The following GLI2 variants were observed in gnomAD, a reference collection of about 807,000 sequenced individuals.
The protein encoded by GLI2 is GLI family zinc finger 2, also known as transcription activator GLI2.
A neutral mutation model predicts 78.9 loss-of-function variants in GLI2; 22 were observed. That is an observed-to-expected ratio of 0.28 (90% CI 0.20 to 0.40). The LOEUF (loss-of-function observed/expected upper bound fraction) is 0.40, where lower values mean the gene tolerates loss of function less well. GLI2 is among the 10% of genes least tolerant of loss of function. The pLI is 1.00. For missense variants in GLI2, 2,097 were observed against 2,213.2 expected, an observed-to-expected ratio of 0.95 and a Z score of 1.05; for synonymous variants, 974 against 963.7, an observed-to-expected ratio of 1.01 and a Z score of -0.20.
intron 11 of GLI2, among the ~76,000 whole-genome samples, chr2:120,983,911 G>T (rs1213429271): frequency 6.6e-6 from 1 of 151,240 alleles, no homozygotes; most frequent in Non-Finnish European, 1.5e-5. Flanking sequence ...ATGTGTGTTT[G>T]TAAGTGTATG....
At chr2:120,812,025 G>A (rs1026778374) in intron 2 of GLI2, among the ~76,000 whole-genome samples, 1 of 152,176 alleles carries the variant, frequency 6.6e-6, no homozygotes, top group Admixed American at 6.5e-5. Flanking sequence ...ATGACTGTGC[G>A]GAACAGGATG....
rs79402480 is a variant in GLI2 at position 120,922,579 on chromosome 2, A to G, written c.149-4782A>G. On this transcript the variant is annotated intron_variant, in intron 2 of 13. Coordinates refer to ENST00000361492, the MANE Select transcript of GLI2 (RefSeq NM_001374353.1). ...TGTTCTTTCCTGAAAAATGGGAATA[A>G]GAACAAGGTTAATGGTAAAACTAAA... Among the ~76,000 whole-genome samples the G allele has an allele frequency of 4.2e-3, 637 of 152,306 alleles. 3 individuals are homozygous for G. Among genetic ancestry groups the G allele is most frequent in the Middle Eastern group, 0.01 (3 of 294 alleles).
At chr2:120,945,957 T>TCTCACACACACACACACA (rs1553470434) in intron 3 of GLI2, among the ~76,000 whole-genome samples, 19 of 134,258 alleles carry the variant, frequency 1.4e-4, no homozygotes, top group Non-Finnish European at 2.7e-4. Flanking sequence ...CATAACCTTC[T>TCTCACACACACACACACA]CACACACACA....
intron 6 of GLI2, among the ~76,000 whole-genome samples, chr2:120,969,395 C>T (rs901164310): frequency 3.9e-5 from 6 of 152,220 alleles, no homozygotes; most frequent in Middle Eastern, 3.2e-3. Flanking sequence ...TGTCTGAGGA[C>T]TCAGACCCCA....
chr2:120,971,818 C>A, intron 7 of GLI2, 123 bp from the exon 8 acceptor site: 1 of 872,520 alleles, frequency 1.1e-6, no homozygotes. Flanking sequence ...ATTTCTGATA[C>A]TTTAAACACA....
Position 120,813,713 on chromosome 2 carries a change from A to G in GLI2, c.148+16245A>G, listed in dbSNP as rs78026006. ...CTCCTCCATCTCTTGCCATTCTTGC[A>G]TGCAGTCTTGTCCCCAAGACAAGTA... is the stretch of plus-strand genomic sequence containing the variant. On this transcript the variant is annotated intron_variant, in intron 2 of 13. Transcript: ENST00000361492. Among the ~76,000 whole-genome samples the G allele has an allele frequency of 8.0e-3, 1,217 of 152,222 alleles. 40 individuals are homozygous for G. The highest frequency in any genetic ancestry group is 0.023 in the East Asian group (117 of 5,174).
intron 1 of GLI2, among the ~76,000 whole-genome samples, chr2:120,796,392 A>G (rs1262780994): frequency 6.6e-6 from 1 of 152,154 alleles, no homozygotes; most frequent in Admixed American, 6.5e-5. Context: ...GCACACAGCA[A>G]TGGAGTGACC....
At chr2:120,778,326 G>A (rs1228599535) in intron 1 of GLI2, among the ~76,000 whole-genome samples, 1 of 152,124 alleles carries the variant, frequency 6.6e-6, no homozygotes, top group Non-Finnish European at 1.5e-5. Context: ...AGAACTCGAC[G>A]TTAGCTCCTC....
intron 2 of GLI2, among the ~76,000 whole-genome samples, chr2:120,874,360 CA>C (rs1688621359): frequency 6.6e-6 from 1 of 152,200 alleles, no homozygotes; most frequent in Non-Finnish European, 1.5e-5. Context: ...TACTAATAAT[CA>C]AAAGCACCAG....
rs1427407202 is a variant in GLI2, at chr2:120,990,048, C to A, written c.4083C>A (p.Ser1361Arg). 10 of 1,602,472 alleles carry A rather than the reference C, an allele frequency of 6.2e-6. No individual in the cohort carries two copies. The highest frequency in any genetic ancestry group is 2.2e-5 in the South Asian group (2 of 89,746). The change falls in exon 14 of 14, where the codon AGC (serine) becomes AGA (arginine). Residue 1361 changes from serine to arginine, a missense_variant. Ser to Arg is a moderately radical substitution (Grantham distance 110). Coordinates refer to ENST00000361492, the MANE Select transcript of GLI2 (RefSeq NM_001374353.1). The stretch of plus-strand genomic sequence containing the variant: ...AGCCCCGGCCTCCCCTCGAGCCCAG[C>A]CCCACTGGCCGCCACCGTGGGGTAC... ...LVQPRPPLEPSPTGRHRGVRA... is the reference protein window; with the variant it reads ...LVQPRPPLEPRPTGRHRGVRA...
At chr2:120,844,682 T>G (rs1278216141) in intron 2 of GLI2, among the ~76,000 whole-genome samples, 1 of 152,204 alleles carries the variant, frequency 6.6e-6, no homozygotes, top group Non-Finnish European at 1.5e-5. Context: ...TGGTTTCAGT[T>G]TGTGTCTTTG....
intron 3 of GLI2, among the ~76,000 whole-genome samples, chr2:120,929,291 C>G (rs1282924851): frequency 3.9e-5 from 6 of 152,222 alleles, no homozygotes; most frequent in African/African-American, 1.4e-4. Context: ...GCTGGCTTCT[C>G]CGCTTTAAAG....
chr2:120,797,906 C>T (rs189830371), intron 2 of GLI2, among the ~76,000 whole-genome samples: 6 of 152,276 alleles, frequency 3.9e-5, no homozygotes, highest in South Asian at 4.1e-4. Context: ...GGGTCAGGTT[C>T]GGGATTTACT....
intron 2 of GLI2, among the ~76,000 whole-genome samples, chr2:120,828,196 C>T (rs1467986763): frequency 6.6e-6 from 1 of 152,200 alleles, no homozygotes; most frequent in Non-Finnish European, 1.5e-5. Flanking sequence ...TGGTTCAGTG[C>T]CCTCTTTATG....
At chr2:120,962,777 A>C (rs1384882367) in intron 5 of GLI2, among the ~76,000 whole-genome samples, 3 of 152,218 alleles carry the variant, frequency 2.0e-5, no homozygotes, top group Non-Finnish European at 4.4e-5. Flanking sequence ...GATGAATATC[A>C]CTGTCAGATT....
intron 2 of GLI2, among the ~76,000 whole-genome samples, chr2:120,901,661 G>A (rs1376454325): frequency 1.2e-4 from 18 of 152,188 alleles, no homozygotes; most frequent in Non-Finnish European, 1.9e-4. Context: ...TTGCAATATC[G>A]TCTTAAAGAA....
intron 1 of GLI2, among the ~76,000 whole-genome samples, chr2:120,746,705 C>T (rs1173316931): frequency 6.6e-6 from 1 of 152,032 alleles, no homozygotes; most frequent in African/African-American, 2.4e-5. Flanking sequence ...TTATTTGCCC[C>T]CCAAGATCTT....
intron 3 of GLI2, among the ~76,000 whole-genome samples, chr2:120,944,842 C>T (rs1573647443): frequency 6.6e-6 from 1 of 152,236 alleles, no homozygotes; most frequent in Non-Finnish European, 1.5e-5. Flanking sequence ...ACGTAGTAGG[C>T]GTTCTGCAAA....
intron 2 of GLI2, among the ~76,000 whole-genome samples, chr2:120,804,034 C>A (rs544534873): frequency 2.8e-4 from 43 of 152,238 alleles, no homozygotes; most frequent in African/African-American, 1.0e-3. Flanking sequence ...ATACTGACAG[C>A]CCTCCTATCT....
Sources: gnomAD v4.1 joint callset for allele counts (sites outside exome capture counted in the v4.1 genomes callset) on GRCh38, gnomAD v4.1.1 for gene constraint, MANE v1.5 for transcripts, NCBI Gene and HGNC (gene_info 2026-07-23, HGNC 2026-07-21) for gene names.